The following CDK14 variants were observed in gnomAD, a reference collection of about 807,000 sequenced individuals.
The protein encoded by CDK14 is cyclin-dependent kinase 14.
CDK14 carries 34 observed loss-of-function variants against 60.7 expected under a neutral mutation model. The observed-to-expected ratio is 0.56, with a 90% CI of 0.43 to 0.75. The LOEUF (loss-of-function observed/expected upper bound fraction) is 0.75, where lower values mean the gene tolerates loss of function less well. CDK14 is among the 30% of genes least tolerant of loss of function. The probability of loss-of-function intolerance (pLI) is 0.00; values close to 1 mark genes in which losing one functional copy is unlikely to be tolerated. For missense variants in CDK14, 482 were observed against 564.1 expected, an observed-to-expected ratio of 0.85 and a Z score of 1.47; for synonymous variants, 197 against 203.7, an observed-to-expected ratio of 0.97 and a Z score of 0.28.
chr7:91,145,543 G>T (rs1439381357), intron 14 of CDK14, among the ~76,000 whole-genome samples: 2 of 152,158 alleles, frequency 1.3e-5, no homozygotes, highest in Non-Finnish European at 2.9e-5. Context: ...GGTCATTAGT[G>T]ACTAGTGTTG....
chr7:91,163,896 C>G lies in CDK14; in HGVS notation c.*29-43269C>G, dbSNP rs1801252357. Among the ~76,000 whole-genome samples the G allele has an allele frequency of 2.0e-5, 3 of 152,078 alleles. No homozygotes were observed. In the South Asian group the frequency reaches 6.2e-4, roughly 32 times the overall value. On this transcript the variant is annotated intron_variant, in intron 14 of 14. Transcript: ENST00000380050. Reference sequence around the variant, plus strand: ...TTAATTGTTATTATAACCATTTAGGCTAAGAAGATAGGTAGGCAATTGATT... The same window carrying G: ...TTAATTGTTATTATAACCATTTAGGGTAAGAAGATAGGTAGGCAATTGATT...
chr7:90,893,676 C>T (rs1792208593), intron 6 of CDK14, among the ~76,000 whole-genome samples: 1 of 152,148 alleles, frequency 6.6e-6, no homozygotes, highest in African/African-American at 2.4e-5. Flanking sequence ...AATTCAGGCA[C>T]ATGTAATGCA....
chr7:91,132,545 T>C (rs141042108), intron 14 of CDK14, among the ~76,000 whole-genome samples: 2 of 152,172 alleles, frequency 1.3e-5, no homozygotes, highest in African/African-American at 4.8e-5. Flanking sequence ...ATCTTCAAGC[T>C]GAGAGATCCT....
intron 11 of CDK14, among the ~76,000 whole-genome samples, chr7:91,058,880 C>G (rs1352270482): frequency 6.6e-6 from 1 of 152,046 alleles, no homozygotes; most frequent in Non-Finnish European, 1.5e-5. Context: ...TTTGTTGTGT[C>G]TCTGCCCGGC....
intron 6 of CDK14, among the ~76,000 whole-genome samples, chr7:90,863,670 A>ATGTGTG (rs111580477): frequency 0.12 from 18,186 of 145,862 alleles, 1,087 homozygotes; most frequent in Non-Finnish European, 0.14. Flanking sequence ...TTATTAAGAT[A>ATGTGTG]TGTGTGTGTG....
At chr7:90,634,595 G>A (rs1455810904) in intron 2 of CDK14, among the ~76,000 whole-genome samples, 7 of 151,968 alleles carry the variant, frequency 4.6e-5, no homozygotes, top group African/African-American at 7.3e-5. Context: ...GTAAACATAC[G>A]TGTGCATGTG....
intron 4 of CDK14, among the ~76,000 whole-genome samples, chr7:90,749,000 G>A (rs1196439757): frequency 2.0e-5 from 3 of 152,144 alleles, no homozygotes; most frequent in Non-Finnish European, 2.9e-5. Context: ...TGCTAATTTA[G>A]GTAATCTTAG....
intron 2 of CDK14, among the ~76,000 whole-genome samples, chr7:90,605,243 C>T (rs889372103): frequency 2.8e-4 from 42 of 152,100 alleles, no homozygotes; most frequent in African/African-American, 9.9e-4. Flanking sequence ...AGAACCTGCT[C>T]CAGGCTGGGA....
At chr7:91,191,654 G>A (rs761050686) in intron 14 of CDK14, among the ~76,000 whole-genome samples, 1 of 151,896 alleles carries the variant, frequency 6.6e-6, no homozygotes. Context: ...GCGTGTATGT[G>A]AGTACACTGA....
At chr7:90,799,559 G>A (rs905447604) in intron 5 of CDK14, among the ~76,000 whole-genome samples, 6 of 151,822 alleles carry the variant, frequency 4.0e-5, no homozygotes, top group South Asian at 2.1e-4. Flanking sequence ...GTGTGGTGGC[G>A]GGCACCTGTA....
intron 5 of CDK14, among the ~76,000 whole-genome samples, chr7:90,859,253 A>G (rs939584560): frequency 1.3e-5 from 2 of 152,194 alleles, no homozygotes; most frequent in East Asian, 3.8e-4. Flanking sequence ...TATGTTTATA[A>G]AAGTTTATAT....
intron 5 of CDK14, among the ~76,000 whole-genome samples, chr7:90,861,339 A>T (rs1791002319): frequency 6.6e-6 from 1 of 152,166 alleles, no homozygotes; most frequent in Admixed American, 6.5e-5. Context: ...AACAAATAAA[A>T]ACAGACAACT....
intron 2 of CDK14, among the ~76,000 whole-genome samples, chr7:90,652,456 T>C (rs918792719): frequency 3.9e-5 from 6 of 152,220 alleles, no homozygotes; most frequent in African/African-American, 1.4e-4. Flanking sequence ...TAAACATTTA[T>C]TGTGTTGTCA....
At position 91,097,764 on chromosome 7, in the gene CDK14, T is replaced by C. The variant is rs141757416; in HGVS notation, c.1155-14778T>C. 2.9e-3 allele frequency among the ~76,000 whole-genome samples: 444 copies of C among 152,270 alleles called. 2 individuals are homozygous for C. The highest frequency in any genetic ancestry group is 0.01 in the African/African-American group (424 of 41,550). The stretch of plus-strand genomic sequence containing the variant: ...CATCTGCAAGGTGGGATGGTGATGA[T>C]CACCTCACAGGCTGGGTGTGTAGTA... On this transcript the variant is annotated intron_variant, in intron 12 of 14. Coordinates refer to ENST00000380050, the MANE Select transcript of CDK14 (RefSeq NM_001287135.2).
At chr7:90,870,472 A>T (rs1311094684) in intron 6 of CDK14, among the ~76,000 whole-genome samples, 1 of 152,224 alleles carries the variant, frequency 6.6e-6, no homozygotes, top group Non-Finnish European at 1.5e-5. Flanking sequence ...ACAAACTTGC[A>T]CGTGTACCCC....
chr7:91,009,228 T>A (rs969868492), intron 10 of CDK14, among the ~76,000 whole-genome samples: 1 of 152,198 alleles, frequency 6.6e-6, no homozygotes, highest in Non-Finnish European at 1.5e-5. Context: ...CCAAGTGATA[T>A]GCCATTGTAT....
At chr7:90,620,853 A>C (rs996718798) in intron 2 of CDK14, among the ~76,000 whole-genome samples, 12 of 152,140 alleles carry the variant, frequency 7.9e-5, no homozygotes, top group African/African-American at 2.9e-4. Flanking sequence ...CATTTTAAAG[A>C]GGGGGAAACT....
intron 5 of CDK14, among the ~76,000 whole-genome samples, chr7:90,830,290 C>T (rs1449690669): frequency 1.3e-5 from 2 of 152,208 alleles, no homozygotes; most frequent in African/African-American, 2.4e-5. Flanking sequence ...ACAAGCCCAA[C>T]ACCACATGGA....
At chr7:90,979,755 G>A (rs1389620162) in intron 9 of CDK14, 3 of 152,162 alleles carry the variant, frequency 2.0e-5, no homozygotes, top group African/African-American at 7.2e-5. Flanking sequence ...CTGTAGAATT[G>A]TCATAAGAAG....
Sources: allele counts gnomAD v4.1 joint callset (sites outside exome capture counted in the v4.1 genomes callset), GRCh38; gene constraint gnomAD v4.1.1; transcripts MANE v1.5; gene names NCBI Gene and HGNC (gene_info 2026-07-23, HGNC 2026-07-21).